The following CREB5 variants were observed in gnomAD, a reference collection of about 807,000 sequenced individuals.
The protein encoded by CREB5 is cyclic AMP-responsive element-binding protein 5.
CREB5 carries 19 observed loss-of-function variants against 57.1 expected under a neutral mutation model. The ratio of observed to expected loss-of-function variants is 0.33; its 90% CI spans 0.23 to 0.49. CREB5 has a LOEUF of 0.49. Among genes scored for constraint, CREB5 ranks in the 20% least tolerant of loss-of-function variants. The pLI is 0.99. For synonymous variants in CREB5, 238 were observed against 238.3 expected, an observed-to-expected ratio of 1.00 and a Z score of 0.01; for missense variants, 579 against 671.6, an observed-to-expected ratio of 0.86 and a Z score of 1.52.
At chr7:28,702,731 G>A (rs1417385437) in intron 5 of CREB5, among the ~76,000 whole-genome samples, 3 of 152,178 alleles carry the variant, frequency 2.0e-5, no homozygotes, top group Non-Finnish European at 4.4e-5. Flanking sequence ...ATTAGAAATA[G>A]CATGAAGGAA....
chr7:28,385,058 A>C (rs145247346), intron 1 of CREB5, among the ~76,000 whole-genome samples: 81 of 152,314 alleles, frequency 5.3e-4, no homozygotes, highest in African/African-American at 1.9e-3. Context: ...TTCATTTATT[A>C]CGTGCATCTG....
intron 5 of CREB5, among the ~76,000 whole-genome samples, chr7:28,610,889 G>A (rs41277): frequency 0.82 from 122,679 of 149,222 alleles, 50,162 homozygotes; most frequent in East Asian, 0.98. Flanking sequence ...GTGTGTGTGC[G>A]TGTGTGTGTG....
intron 5 of CREB5, among the ~76,000 whole-genome samples, chr7:28,608,422 T>C (rs772133869): frequency 2.0e-5 from 3 of 152,058 alleles, no homozygotes; most frequent in Non-Finnish European, 4.4e-5. Context: ...TGGGAGAAAA[T>C]TGAGTTGTTA....
intron 7 of CREB5, among the ~76,000 whole-genome samples, chr7:28,726,254 G>A (rs958404499): frequency 1.1e-4 from 17 of 152,124 alleles, no homozygotes; most frequent in Non-Finnish European, 5.9e-5. Flanking sequence ...AGGGAGTACA[G>A]CTATTCTCTG....
At chr7:28,385,557 T>C (rs1787072379) in intron 1 of CREB5, among the ~76,000 whole-genome samples, 1 of 151,796 alleles carries the variant, frequency 6.6e-6, no homozygotes, top group Non-Finnish European at 1.5e-5. Context: ...GTGCCTGTAG[T>C]CCCAGCTACT....
intron 5 of CREB5, among the ~76,000 whole-genome samples, chr7:28,625,475 G>T (rs912373322): frequency 3.3e-5 from 5 of 152,216 alleles, no homozygotes; most frequent in African/African-American, 1.2e-4. Context: ...CATGTTCTCA[G>T]AGTTGACTTA....
At chr7:28,573,560 C>T (rs779106768) in intron 5 of CREB5, among the ~76,000 whole-genome samples, 19 of 152,208 alleles carry the variant, frequency 1.2e-4, no homozygotes, top group Non-Finnish European at 2.2e-4. Flanking sequence ...GGCCACCTGG[C>T]TCCTGCTCCC....
chr7:28,560,957 T>TGCGTGCGCGCGTGTGCGTGCGTGCGC (rs1375860415), intron 4 of CREB5, among the ~76,000 whole-genome samples: 1 of 43,438 alleles, frequency 2.3e-5, no homozygotes, highest in African/African-American at 1.0e-4. Flanking sequence ...TGTGCGTGTG[T>TGCGTGCGCGCGTGTGCGTGCGTGCGC]GTGCGTGTGT....
chr7:28,492,353 G>A (rs1307200305), intron 2 of CREB5, among the ~76,000 whole-genome samples: 1 of 152,176 alleles, frequency 6.6e-6, no homozygotes, highest in Non-Finnish European at 1.5e-5. Flanking sequence ...TCAGAAGGAA[G>A]AGTTTCTCTT....
At chr7:28,434,175 C>T (rs1457836571) in intron 1 of CREB5, among the ~76,000 whole-genome samples, 1 of 152,122 alleles carries the variant, frequency 6.6e-6, no homozygotes, top group Non-Finnish European at 1.5e-5. Flanking sequence ...CCACTTGCTG[C>T]TTCTGCCTGT....
chr7:28,577,969 T>G (rs550657141), intron 5 of CREB5, among the ~76,000 whole-genome samples: 6 of 152,308 alleles, frequency 3.9e-5, no homozygotes, highest in Admixed American at 6.5e-5. Flanking sequence ...ACTAAAATAG[T>G]AAACATGTAA....
chr7:28,809,316 C>A lies in CREB5; in HGVS notation c.1156C>A (p.Arg386=), dbSNP rs757517735. The change falls in exon 9 of 11, where the codon CGG becomes AGG. Residue 386 remains arginine (R), a synonymous_variant. Coordinates refer to ENST00000357727, the MANE Select transcript of CREB5 (RefSeq NM_182898.4). ...ERRRKFLERN[R]AAATRCRQKR... Reference sequence around the variant, plus strand: ...GCGGCGGAAATTTCTGGAACGGAACCGGGCAGCTGCCACCCGCTGCAGACA... The same window carrying A: ...GCGGCGGAAATTTCTGGAACGGAACAGGGCAGCTGCCACCCGCTGCAGACA... 1.2e-6 allele frequency: 2 copies of A among 1,614,152 alleles called. No homozygotes were observed. The highest frequency in any genetic ancestry group is 1.7e-5 in the Admixed American group (1 of 60,012).
chr7:28,428,010 G>A (rs1445863448), intron 1 of CREB5, among the ~76,000 whole-genome samples: 1 of 152,192 alleles, frequency 6.6e-6, no homozygotes, highest in Non-Finnish European at 1.5e-5. Context: ...CCAGGGAAGT[G>A]GATCAAGTGT....
intron 3 of CREB5, among the ~76,000 whole-genome samples, chr7:28,496,794 T>C (rs1195503458): frequency 1.3e-5 from 1 of 76,782 alleles, no homozygotes; most frequent in African/African-American, 5.9e-5. Context: ...CTCTGTTTGT[T>C]ATTGTTTTTT....
chr7:28,484,225 A>G (rs960980720), intron 1 of CREB5, among the ~76,000 whole-genome samples: 1 of 152,214 alleles, frequency 6.6e-6, no homozygotes, highest in African/African-American at 2.4e-5. Flanking sequence ...TGAATGGTTA[A>G]AGAATCTATG....
chr7:28,302,038 T>A (rs915151020), intron 1 of CREB5, among the ~76,000 whole-genome samples: 4 of 152,218 alleles, frequency 2.6e-5, no homozygotes, highest in African/African-American at 9.6e-5. Context: ...TGAAATTCGT[T>A]AAAATAGATA....
chr7:28,510,259 G>A (rs1792652197), intron 4 of CREB5, among the ~76,000 whole-genome samples: 1 of 152,178 alleles, frequency 6.6e-6, no homozygotes, highest in African/African-American at 2.4e-5. Context: ...CTTATTCAGT[G>A]CCTATCTTAT....
intron 1 of CREB5, among the ~76,000 whole-genome samples, chr7:28,413,401 T>C (rs962239455): frequency 1.3e-5 from 2 of 152,184 alleles, no homozygotes; most frequent in East Asian, 3.8e-4. Context: ...ACTATTACTT[T>C]AGTTCTAAAA....
chr7:28,358,566 T>G (rs941129430), intron 1 of CREB5, among the ~76,000 whole-genome samples: 1 of 152,234 alleles, frequency 6.6e-6, no homozygotes, highest in Non-Finnish European at 1.5e-5. Context: ...GATTGCCAAT[T>G]AGCCAGAACT....
Sources: allele counts gnomAD v4.1 joint callset (sites outside exome capture counted in the v4.1 genomes callset), GRCh38; gene constraint gnomAD v4.1.1; transcripts MANE v1.5; gene names NCBI Gene and HGNC (gene_info 2026-07-23, HGNC 2026-07-21).